FAM174B: variants seen among roughly 807,000 people sequenced by gnomAD.
The protein encoded by FAM174B is family with sequence similarity 174 member B, also known as membrane protein FAM174B.
Under a neutral mutation model 10.9 loss-of-function variants are expected in FAM174B, and 12 were observed. The ratio of observed to expected loss-of-function variants is 1.10; its 90% CI spans 0.71 to 1.79. The LOEUF (loss-of-function observed/expected upper bound fraction) is 1.79. Among genes scored for constraint, FAM174B ranks in the 40% most tolerant of loss-of-function variants. FAM174B has a pLI of 0.00. For synonymous variants in FAM174B, 132 were observed against 115.8 expected (o/e 1.14, Z -0.90); for missense variants, 266 against 233.3 (o/e 1.14, Z -0.91).
At chr15:92,627,965 ACCT>A (rs1447247476) in intron 2 of FAM174B, among the ~76,000 whole-genome samples, 3 of 152,132 alleles carry the variant, frequency 2.0e-5, no homozygotes, top group African/African-American at 7.2e-5. Flanking sequence ...TGGTTCCAAG[ACCT>A]CCTGCAAAGA....
At chr15:92,633,190 C>T (rs2050830855) in intron 1 of FAM174B, among the ~76,000 whole-genome samples, 1 of 152,146 alleles carries the variant, frequency 6.6e-6, no homozygotes, top group Non-Finnish European at 1.5e-5. Flanking sequence ...ACGCTATTCC[C>T]GAGTGGAGAC....
intron 2 of FAM174B, among the ~76,000 whole-genome samples, chr15:92,625,516 A>C (rs574696699): frequency 6.6e-6 from 1 of 152,394 alleles, no homozygotes; most frequent in East Asian, 1.9e-4. Context: ...AGCCATGTGC[A>C]GACAAAGAAG....
In FAM174B at chr15:92,619,412, C is replaced by G; in HGVS notation, c.*44G>C. ...CAGTCCTTCACACCCCAGGTTGCAG[C>G]TGACCAACTTTCCACAGGATGCCAC... On this transcript the variant is annotated 3_prime_UTR_variant, in exon 3 of 3. Coordinates refer to ENST00000327355, the MANE Select transcript of FAM174B (RefSeq NM_207446.3). 1 of 1,613,738 alleles carries G rather than the reference C, an allele frequency of 6.2e-7. No homozygotes were observed. The highest frequency in any genetic ancestry group is 8.5e-7 in the Non-Finnish European group (1 of 1,179,698).
At chr15:92,630,890 A>G (rs62637741) in intron 1 of FAM174B, among the ~76,000 whole-genome samples, 3,888 of 33,538 alleles carry the variant, frequency 0.12, 683 homozygotes, top group Non-Finnish European at 0.25. Context: ...TATATTACGT[A>G]TTACATATTA....
At chr15:92,640,900 C>T (rs2050887337) in intron 1 of FAM174B, among the ~76,000 whole-genome samples, 1 of 152,130 alleles carries the variant, frequency 6.6e-6, no homozygotes, top group African/African-American at 2.4e-5. Context: ...CCGCCTCAGC[C>T]TCCCAAAGTG....
At chr15:92,640,127 T>C (rs2050880629) in intron 1 of FAM174B, among the ~76,000 whole-genome samples, 1 of 152,176 alleles carries the variant, frequency 6.6e-6, no homozygotes, top group African/African-American at 2.4e-5. Flanking sequence ...TGTATCAGCA[T>C]AAATTAGACG....
chr15:92,640,223 G>C (rs1342968029), intron 1 of FAM174B, among the ~76,000 whole-genome samples: 1 of 152,088 alleles, frequency 6.6e-6, no homozygotes, highest in East Asian at 1.9e-4. Flanking sequence ...TTTAAAAAAG[G>C]ATGATAAATG....
chr15:92,635,579 CT>C (rs34666199), intron 1 of FAM174B, among the ~76,000 whole-genome samples: 17,133 of 128,114 alleles, frequency 0.13, 810 homozygotes, highest in Middle Eastern at 0.2. Context: ...ATATTTCTTT[CT>C]TTTTTTTTTT....
At chr15:92,645,354 T>C (rs1033233858) in intron 1 of FAM174B, among the ~76,000 whole-genome samples, 2 of 152,200 alleles carry the variant, frequency 1.3e-5, no homozygotes, top group Admixed American at 6.5e-5. Flanking sequence ...GGGCTTACGC[T>C]TCATAGAGGA....
In FAM174B at chr15:92,655,415, GA is replaced by G; in HGVS notation, c.244del (p.Ser82ProfsTer14). ...SSGDALVTRI[S>X]ILLRDLPTLK... ...GGTGGGTAGGTCGCGGAGGAGGATG[GA>G]AATGCGGGTCACCAAGGCGTCGCCA... On this transcript the variant is annotated frameshift_variant, in exon 1 of 3. Transcript: ENST00000327355. LOFTEE classifies it high-confidence loss of function. The G allele has an allele frequency of 2.5e-6, 4 of 1,599,892 alleles. No homozygotes were observed. The highest frequency in any genetic ancestry group is 3.4e-6 in the Non-Finnish European group (4 of 1,174,734).
intron 1 of FAM174B, among the ~76,000 whole-genome samples, chr15:92,653,758 A>AT (rs1240596663): frequency 1.3e-5 from 2 of 152,256 alleles, no homozygotes; most frequent in African/African-American, 4.8e-5. Flanking sequence ...CACTTGTAGA[A>AT]TATAGAGGCA....
chr15:92,647,392 G>A (rs950891405), intron 1 of FAM174B, among the ~76,000 whole-genome samples: 10 of 152,068 alleles, frequency 6.6e-5, no homozygotes, highest in African/African-American at 2.2e-4. Context: ...GGGATTGGAC[G>A]GCTCCTTATC....
chr15:92,632,117 G>A (rs1336487672), intron 1 of FAM174B, among the ~76,000 whole-genome samples: 6 of 152,202 alleles, frequency 3.9e-5, no homozygotes, highest in South Asian at 2.1e-4. Flanking sequence ...AATTAAATAC[G>A]CTACATCATT....
intron 2 of FAM174B, chr15:92,619,728 T>C (rs1407721116): frequency 3.8e-6 from 2 of 531,698 alleles, no homozygotes; most frequent in Non-Finnish European, 6.7e-6. Context: ...TATATCCCTC[T>C]CCTTGCCAGC....
At chr15:92,627,513 G>C (rs1301669147) in intron 2 of FAM174B, 1 of 155,032 alleles carries the variant, frequency 6.5e-6, no homozygotes, top group Non-Finnish European at 1.5e-5. Flanking sequence ...TATGCCCTCA[G>C]GGAAAGGCCC....
chr15:92,631,165 TAA>T (rs1491473836), intron 1 of FAM174B, among the ~76,000 whole-genome samples: 1,171 of 35,896 alleles, frequency 0.033, 467 homozygotes, highest in Non-Finnish European at 0.052. Context: ...ATATATTATA[TAA>T]TAATTTATAT....
intron 1 of FAM174B, among the ~76,000 whole-genome samples, chr15:92,632,306 AG>A (rs1458140725): frequency 6.6e-6 from 1 of 152,156 alleles, no homozygotes; most frequent in Non-Finnish European, 1.5e-5. Flanking sequence ...GCACTTTGGG[AG>A]GCCAAGTCAG....
chr15:92,626,413 T>A (rs1567043110), intron 2 of FAM174B, among the ~76,000 whole-genome samples: 1 of 152,142 alleles, frequency 6.6e-6, no homozygotes, highest in Non-Finnish European at 1.5e-5. Flanking sequence ...TGGATTTTTT[T>A]TAAAAAAATC....
intron 1 of FAM174B, among the ~76,000 whole-genome samples, chr15:92,636,366 T>G (rs1000013663): frequency 2.0e-5 from 3 of 152,188 alleles, no homozygotes; most frequent in African/African-American, 4.8e-5. Context: ...GGGTGCCAGC[T>G]AAGCGATTTA....
Sources: allele counts gnomAD v4.1 joint callset (sites outside exome capture counted in the v4.1 genomes callset), GRCh38; gene constraint gnomAD v4.1.1; transcripts MANE v1.5; gene names NCBI Gene and HGNC (gene_info 2026-07-23, HGNC 2026-07-21).